Variants in HTRA1 observed in about 807,000 individuals in gnomAD.
The protein encoded by HTRA1 is serine protease HTRA1.
Under a neutral mutation model 49.7 loss-of-function variants are expected in HTRA1, and 26 were observed. That is an observed-to-expected ratio of 0.52 (90% CI 0.38 to 0.73). The LOEUF is 0.73. Among genes scored for constraint, HTRA1 ranks in the 30% least tolerant of loss-of-function variants. The pLI, the probability that HTRA1 is intolerant of heterozygous loss-of-function variation, is 0.00. For synonymous variants in HTRA1, 291 were observed against 286.9 expected (o/e 1.01, Z -0.14); for missense variants, 561 against 667.2 (o/e 0.84, Z 1.75).
At position 122,506,754 on chromosome 10, in the gene HTRA1, G is replaced by A. The variant is rs774542219; in HGVS notation, c.841G>A (p.Ala281Thr). The change falls in exon 4 of 9, where the codon GCC (alanine) becomes ACC (threonine). Residue 281 changes from alanine (A) to threonine (T), a missense_variant. Transcript: ENST00000368984. The surrounding 1 kb of genome is among the most constrained non-coding windows in gnomAD (Gnocchi z 5.2). ...SELRPGEFVV[A>T]IGSPFSLQNT... ...GCTGCGGCCGGGAGAGTTCGTGGTC[G>A]CCATCGGAAGCCCGTTTTCCCTTCA... 17 of 1,613,584 alleles carry A rather than the reference G, an allele frequency of 1.1e-5. No individual in the cohort carries two copies. The highest frequency in any genetic ancestry group is 4.4e-5 in the South Asian group (4 of 91,072).
Position 122,461,621 on chromosome 10 carries a change from C to T in HTRA1, c.-32C>T, listed in dbSNP as rs1211998165. On this transcript the variant is annotated 5_prime_UTR_variant, in exon 1 of 9. Transcript: ENST00000368984. ...CGCCGCTCTCCGGCCCTCGCCCTGT[C>T]CGCCGCCACCGCCGCCGCCGCCAGA... The T allele has an allele frequency of 7.9e-7, 1 of 1,263,602 alleles. No individual in the cohort carries two copies. Among genetic ancestry groups the T allele is most frequent in the Non-Finnish European group, 1.0e-6 (1 of 975,672 alleles). The allele number at this position is 1,263,602 out of a possible 1,614,324, so 78.3% of individuals were successfully genotyped here.
At chr10:122,472,362 TTTATTACTA>T (rs900990758) in intron 1 of HTRA1, among the ~76,000 whole-genome samples, 7 of 127,100 alleles carry the variant, frequency 5.5e-5, no homozygotes, top group Non-Finnish European at 9.9e-5. Flanking sequence ...ATATCATTTC[TTTATTACTA>T]TTATTATTAT....
At chr10:122,505,811 G>A (rs1395008848) in intron 3 of HTRA1, among the ~76,000 whole-genome samples, 2 of 152,310 alleles carry the variant, frequency 1.3e-5, no homozygotes, top group East Asian at 1.9e-4. Context: ...AGGTCTGCTC[G>A]GCTCCGAGGA....
chr10:122,508,184 G>C (rs897549872), intron 5 of HTRA1, among the ~76,000 whole-genome samples: 1 of 152,142 alleles, frequency 6.6e-6, no homozygotes, highest in Admixed American at 6.5e-5. Context: ...CTGCCTCCCC[G>C]CGCAGCACTT....
At chr10:122,467,982 T>C (rs898537792) in intron 1 of HTRA1, among the ~76,000 whole-genome samples, 1 of 152,200 alleles carries the variant, frequency 6.6e-6, no homozygotes, top group Non-Finnish European at 1.5e-5. Flanking sequence ...AAGAGGCATG[T>C]CCATCACTGC....
intron 1 of HTRA1, among the ~76,000 whole-genome samples, chr10:122,471,455 G>A (rs531233012): frequency 3.3e-5 from 5 of 152,202 alleles, no homozygotes; most frequent in South Asian, 2.1e-4. Flanking sequence ...ATTCTGCTCC[G>A]ACCTTTCACA....
At chr10:122,513,318 G>T (rs1168421679) in intron 8 of HTRA1, among the ~76,000 whole-genome samples, 1 of 152,076 alleles carries the variant, frequency 6.6e-6, no homozygotes, top group Non-Finnish European at 1.5e-5. Context: ...CCCATTATAA[G>T]CAAGTTGGCC....
chr10:122,507,411 T>C lies in HTRA1; in HGVS notation c.1005+9T>C. 6.3e-7 allele frequency: 1 copy of C among 1,597,034 alleles called. No individual in the cohort carries two copies. Among genetic ancestry groups the C allele is most frequent in the Non-Finnish European group, 8.6e-7 (1 of 1,164,458 alleles). On this transcript the variant is annotated intron_variant, in intron 5 of 8. Transcript: ENST00000368984. ...GCCCGTTAGTAAACCTGGTAAGGTC[T>C]TTTAAACCTATGTTAGGTCATTTGT... is the stretch of plus-strand genomic sequence containing the variant.
At position 122,508,790 on chromosome 10, in the gene HTRA1, C is replaced by G; in HGVS notation, c.1120+20C>G. On this transcript the variant is annotated intron_variant, in intron 6 of 8. Transcript: ENST00000368984. ...CCAAAGGTAGGCAAGGCCCACACAG[C>G]CCTGGGGACTCCGGAGATGGGGCCT... 7.0e-7 allele frequency: 1 copy of G among 1,424,142 alleles called. No individual in the cohort carries two copies. The highest frequency in any genetic ancestry group is 9.9e-7 in the Non-Finnish European group (1 of 1,006,444). The allele number at this position is 1,424,142 out of a possible 1,614,324, so 88.2% of individuals were successfully genotyped here.
chr10:122,478,391 G>A (rs1453651132), intron 1 of HTRA1, among the ~76,000 whole-genome samples: 13 of 36,706 alleles, frequency 3.5e-4, no homozygotes, highest in Non-Finnish European at 6.1e-4. Flanking sequence ...GAGTTTGACA[G>A]ATTTTTTTTT....
In HTRA1 at chr10:122,508,829, C is replaced by T. The variant is rs1239855199; in HGVS notation, c.1120+59C>T. The T allele has an allele frequency of 7.8e-6, 8 of 1,028,998 alleles. No individual in the cohort carries two copies. In the African/African-American group the frequency reaches 1.1e-4, roughly 14 times the overall value. The allele number at this position is 1,028,998 out of a possible 1,614,324, so 63.7% of individuals were successfully genotyped here. A position where few individuals can be genotyped will look rare whatever the true frequency, so the allele number is the denominator to read the frequency against. On this transcript the variant is annotated intron_variant, in intron 6 of 8. Coordinates refer to ENST00000368984, the MANE Select transcript of HTRA1 (RefSeq NM_002775.5). The stretch of plus-strand genomic sequence containing the variant: ...GAGATGGGGCCTGAAGCTCAGCTGC[C>T]CTTTGGGACTTGGGGAAGGGAAAAG...
rs181796428 is a variant in HTRA1 at position 122,512,952 on chromosome 10, T to G, written c.1274+887T>G. Among the ~76,000 whole-genome samples the G allele has an allele frequency of 3.0e-4, 45 of 152,288 alleles. 1 individual carries two copies. The East Asian group carries it at 8.3e-3, about 28-fold the overall frequency. On this transcript the variant is annotated intron_variant, in intron 8 of 8. Transcript: ENST00000368984. ...CCACTTATGAGAACATTTAAATGGT[T>G]GAAAAAATCCTGAAATAAGAATAGT...
intron 6 of HTRA1, among the ~76,000 whole-genome samples, chr10:122,509,251 G>T (rs1389935559): frequency 6.6e-6 from 1 of 152,170 alleles, no homozygotes; most frequent in Non-Finnish European, 1.5e-5. Context: ...ATGTTCTGTT[G>T]GGGGATGGGA....
At chr10:122,466,129 T>C (rs557677612) in intron 1 of HTRA1, among the ~76,000 whole-genome samples, 55 of 152,242 alleles carry the variant, frequency 3.6e-4, no homozygotes, top group African/African-American at 1.3e-3. Flanking sequence ...AGGGCTTAGA[T>C]GGTTGCTTTA....
chr10:122,500,824 T>A (rs998679159), intron 3 of HTRA1, among the ~76,000 whole-genome samples: 3 of 152,142 alleles, frequency 2.0e-5, no homozygotes, highest in Admixed American at 1.3e-4. Context: ...CCACACATAG[T>A]GCCCCCAAAA....
chr10:122,511,928 G>T, intron 7 of HTRA1, 42 bp from the exon 8 acceptor site: 2 of 1,447,570 alleles, frequency 1.4e-6, no homozygotes, highest in Non-Finnish European at 9.7e-7. Flanking sequence ...GGAAGGCCTG[G>T]TGTTTCTTCA....
chr10:122,513,528 G>T (rs2097506538), intron 8 of HTRA1, among the ~76,000 whole-genome samples: 1 of 149,242 alleles, frequency 6.7e-6, no homozygotes, highest in African/African-American at 2.5e-5. Flanking sequence ...CAGCATCCTG[G>T]CACATGCATG....
intron 6 of HTRA1, among the ~76,000 whole-genome samples, chr10:122,509,229 G>C (rs986316790): frequency 1.3e-5 from 2 of 152,178 alleles, no homozygotes; most frequent in African/African-American, 4.8e-5. Flanking sequence ...GGCCTTTGCC[G>C]GTGTGACTTT....
chr10:122,512,554 T>C (rs1241613697), intron 8 of HTRA1, among the ~76,000 whole-genome samples: 1 of 152,086 alleles, frequency 6.6e-6, no homozygotes, highest in Admixed American at 6.5e-5. Context: ...TCCATCAGGG[T>C]TTGTTACCTG....
Sources: allele counts gnomAD v4.1 joint callset (sites outside exome capture counted in the v4.1 genomes callset), GRCh38; gene constraint gnomAD v4.1.1; non-coding constraint Gnocchi (gnomAD v3.1); transcripts MANE v1.5; gene names NCBI Gene and HGNC (gene_info 2026-07-23, HGNC 2026-07-21).